The following ATXN2 variants were observed in gnomAD, a reference collection of about 807,000 sequenced individuals.
ATXN2 encodes ataxin-2.
Under a neutral mutation model 138.6 loss-of-function variants are expected in ATXN2, and 37 were observed. The ratio of observed to expected loss-of-function variants is 0.27; its 90% CI spans 0.21 to 0.35. ATXN2 has a LOEUF of 0.35. Ranked by LOEUF, ATXN2 falls within the 10% of genes least tolerant of loss-of-function variation. The probability of loss-of-function intolerance (pLI) is 1.00; values close to 1 mark genes in which losing one functional copy is unlikely to be tolerated. For synonymous variants in ATXN2, 549 were observed against 543.7 expected (o/e 1.01, Z -0.13); for missense variants, 1,216 against 1,480.3 (o/e 0.82, Z 2.93).
intron 1 of ATXN2, among the ~76,000 whole-genome samples, chr12:111,589,982 G>A (rs1320664973): frequency 1.3e-5 from 2 of 151,800 alleles, no homozygotes; most frequent in South Asian, 2.1e-4. Context: ...GGCCAAGACA[G>A]GCAGATCACC....
chr12:111,544,335 T>C (rs1881694125), intron 5 of ATXN2, among the ~76,000 whole-genome samples: 1 of 152,214 alleles, frequency 6.6e-6, no homozygotes, highest in Non-Finnish European at 1.5e-5. Flanking sequence ...TTTCATTCTT[T>C]CCATAAAATA....
At chr12:111,455,953 A>G in intron 23 of ATXN2, 76 bp downstream of exon 23, 1 of 1,382,706 alleles carries the variant, frequency 7.2e-7, no homozygotes, top group Non-Finnish European at 1.0e-6. Flanking sequence ...CCTAGCTGGG[A>G]GAGCCTCTAG....
chr12:111,486,975 C>G (rs1335099397), intron 15 of ATXN2, 151 bp from the exon 16 acceptor site: 4 of 642,384 alleles, frequency 6.2e-6, no homozygotes, highest in Admixed American at 3.0e-5. Context: ...AACATATACA[C>G]TTATATTGCC....
At position 111,452,785 on chromosome 12, in the gene ATXN2, T is replaced by C. The variant is rs767667906; in HGVS notation, c.*27A>G. 1.9e-6 allele frequency: 3 copies of C among 1,607,452 alleles called. No homozygotes were observed. Among genetic ancestry groups the C allele is most frequent in the African/African-American group, 2.7e-5 (2 of 74,866 alleles). On this transcript the variant is annotated 3_prime_UTR_variant, in exon 25 of 25. Transcript: ENST00000673436. ...AAGCAGTAGAAGGGAGGAGGGAATT[T>C]GGCCTTTCGGTTCCTCCAGGGCAGC...
intron 5 of ATXN2, among the ~76,000 whole-genome samples, chr12:111,535,578 C>T (rs1378840703): frequency 6.6e-6 from 1 of 151,994 alleles, no homozygotes; most frequent in Non-Finnish European, 1.5e-5. Flanking sequence ...GCCAAGATCG[C>T]GCCACTGCAC....
chr12:111,483,452 CTTTTTTTT>C (rs927752030), intron 18 of ATXN2, among the ~76,000 whole-genome samples: 8 of 107,212 alleles, frequency 7.5e-5, no homozygotes, highest in Non-Finnish European at 1.1e-4. Flanking sequence ...TAAAAGAACT[CTTTTTTTT>C]TTTTTTTTTT....
chr12:111,457,197 C>A lies in ATXN2; in HGVS notation c.3042+17G>T, dbSNP rs1349750322. On this transcript the variant is annotated intron_variant, in intron 22 of 24. Transcript: ENST00000673436. Reference sequence around the variant, plus strand: ...GATAAAGAAGCCACTCCATGCAGACCTCTGAGTTGCCCTTACCTGAACAGG... The same window carrying A: ...GATAAAGAAGCCACTCCATGCAGACATCTGAGTTGCCCTTACCTGAACAGG... 6.2e-7 allele frequency: 1 copy of A among 1,607,200 alleles called. No individual in the cohort carries two copies. Among genetic ancestry groups the A allele is most frequent in the South Asian group, 1.1e-5 (1 of 90,112 alleles).
At chr12:111,483,686 A>T (rs534544201) in intron 18 of ATXN2, among the ~76,000 whole-genome samples, 2 of 151,966 alleles carry the variant, frequency 1.3e-5, no homozygotes, top group Admixed American at 1.3e-4. Flanking sequence ...AAAATGTGGG[A>T]TTTTTTCTAC....
intron 1 of ATXN2, among the ~76,000 whole-genome samples, chr12:111,577,924 G>A (rs1021785944): frequency 2.6e-5 from 4 of 152,018 alleles, no homozygotes; most frequent in Non-Finnish European, 4.4e-5. Flanking sequence ...GGCCAGGTGC[G>A]GTGGCTCACA....
Position 111,598,894 on chromosome 12 carries a change from C to A in ATXN2, c.141G>T (p.Ser47=). 5 of 1,501,590 alleles carry A rather than the reference C, an allele frequency of 3.3e-6. No individual in the cohort carries two copies. In the South Asian group the frequency reaches 6.2e-5, roughly 19 times the overall value. The allele number at this position is 1,501,590 out of a possible 1,614,324, so 93.0% of individuals were successfully genotyped here. ...AGGACGGCGAAGGCGCGGCGGCGGG[C>A]GACGCTAGAAGGCCGCTGCCGCCGG... The part of the protein sequence containing the change: ...RKPGGSGLLA[S]PAAAPSPSSS... The change falls in exon 1 of 25, where the codon TCG becomes TCT. Residue 47 remains serine (S), a synonymous_variant. Coordinates refer to ENST00000673436, the MANE Select transcript of ATXN2 (RefSeq NM_001372574.1). The surrounding 1 kb of genome is among the most constrained non-coding windows in gnomAD (Gnocchi z 4.5).
intron 18 of ATXN2, among the ~76,000 whole-genome samples, chr12:111,477,102 G>C (rs1876872129): frequency 6.6e-6 from 1 of 151,820 alleles, no homozygotes; most frequent in South Asian, 2.1e-4. Context: ...CAGAACTTTG[G>C]GAGGCTGAGA....
intron 5 of ATXN2, among the ~76,000 whole-genome samples, chr12:111,541,023 G>A (rs1881471907): frequency 6.7e-6 from 1 of 149,984 alleles, no homozygotes; most frequent in African/African-American, 2.4e-5. Flanking sequence ...TATAATCAAA[G>A]GTATCGATCT....
Position 111,464,704 on chromosome 12 carries a change from A to G in ATXN2, c.2854T>C (p.Leu952=). Residue 952 remains leucine, a synonymous_variant, in exon 21 of 25, where the codon TTA becomes CTA. Coordinates refer to ENST00000673436, the MANE Select transcript of ATXN2 (RefSeq NM_001372574.1). ...QTHAMYACPK[L]PYNKETSPSF... ...GGGCTTGTCTCCTTGTTGTATGGTA[A>G]TTTGGGACATGCTGAATTTGGGAAA... is the stretch of plus-strand genomic sequence containing the variant. The G allele has an allele frequency of 6.2e-7, 1 of 1,611,218 alleles. No individual in the cohort carries two copies. The highest frequency in any genetic ancestry group is 8.5e-7 in the Non-Finnish European group (1 of 1,177,898).
chr12:111,548,322 T>A (rs1319348035), intron 5 of ATXN2, among the ~76,000 whole-genome samples: 1 of 152,228 alleles, frequency 6.6e-6, no homozygotes, highest in Non-Finnish European at 1.5e-5. Flanking sequence ...ATTTGTGTCC[T>A]CACTTTAGCA....
Position 111,598,003 on chromosome 12 carries a change from G to T in ATXN2, c.251+781C>A, listed in dbSNP as rs569555201. The T allele has an allele frequency of 8.3e-7, 1 of 1,198,232 alleles. No individual in the cohort carries two copies. Among genetic ancestry groups the T allele is most frequent in the Admixed American group, 3.3e-5 (1 of 30,724 alleles). The allele number at this position is 1,198,232 out of a possible 1,614,324, so 74.2% of individuals were successfully genotyped here. A position where few individuals can be genotyped will look rare whatever the true frequency, so the allele number is the denominator to read the frequency against. The stretch of plus-strand genomic sequence containing the variant: ...CGCGCGCCGGAGAGGTCTGGCGGGG[G>T]AAGGAGGAAGGCCGGGACGGGGCCG... On this transcript the variant is annotated intron_variant, in intron 1 of 24. Transcript: ENST00000673436. The surrounding 1 kb of genome is among the most constrained non-coding windows in gnomAD (Gnocchi z 4.5).
intron 5 of ATXN2, among the ~76,000 whole-genome samples, chr12:111,535,333 A>G (rs919639322): frequency 6.6e-6 from 1 of 152,176 alleles, no homozygotes; most frequent in African/African-American, 2.4e-5. Flanking sequence ...GGAGTAAAAG[A>G]AGAAGGCACA....
Position 111,519,967 on chromosome 12 carries a change from G to C in ATXN2, c.898C>G (p.Leu300Val). The C allele has an allele frequency of 3.1e-6, 5 of 1,614,016 alleles. No homozygotes were observed. Among genetic ancestry groups the C allele is most frequent in the Non-Finnish European group, 4.2e-6 (5 of 1,180,030 alleles). The stretch of plus-strand genomic sequence containing the variant: ...TCCTCACTCCTATCATCATTTTCCA[G>C]GGCCACTCGAGCTTTGTACTGGGCA... ...SSAQYKARVA[L>V]ENDDRSEEEK... Residue 300 changes from leucine to valine, a missense_variant, in exon 8 of 25, where the codon CTG becomes GTG. Around this residue, in one of 4 missense-constraint regions of ATXN2, gnomAD observed 401 missense variants for 528.1 expected, o/e 0.76. Coordinates refer to ENST00000673436, the MANE Select transcript of ATXN2 (RefSeq NM_001372574.1).
At chr12:111,539,421 A>C (rs1484176041) in intron 5 of ATXN2, among the ~76,000 whole-genome samples, 2 of 150,244 alleles carry the variant, frequency 1.3e-5, no homozygotes, top group Non-Finnish European at 3.0e-5. Context: ...TCTTTATAAA[A>C]GGTACTATTT....
chr12:111,540,443 C>G lies in ATXN2; in HGVS notation c.571+11837G>C, dbSNP rs1195548321. On this transcript the variant is annotated intron_variant, in intron 5 of 24. Transcript: ENST00000673436. ...TAAGTGTTTTGCAACTCCCTCAGTA[C>G]CACTAAGTAGTAGTAATCTTTCTCA... Among the ~76,000 whole-genome samples the G allele has an allele frequency of 1.3e-5, 2 of 150,576 alleles. 1 individual carries two copies. Among genetic ancestry groups the G allele is most frequent in the African/African-American group, 4.8e-5 (2 of 41,320 alleles).
Sources: gnomAD v4.1 joint callset for allele counts (sites outside exome capture counted in the v4.1 genomes callset) on GRCh38, gnomAD v4.1.1 for gene constraint, gnomAD v4.1.1 regional missense constraint, Gnocchi (gnomAD v3.1) non-coding constraint, MANE v1.5 for transcripts, NCBI Gene and HGNC (gene_info 2026-07-23, HGNC 2026-07-21) for gene names.